The following PLEKHG5 variants were observed in gnomAD, a reference collection of about 807,000 sequenced individuals.
PLEKHG5 encodes pleckstrin homology and RhoGEF domain containing G5, also known as pleckstrin homology domain-containing family G member 5.
PLEKHG5 carries 52 observed loss-of-function variants against 103.8 expected under a neutral mutation model. That is an observed-to-expected ratio of 0.50 (90% confidence interval 0.40 to 0.63). The LOEUF (loss-of-function observed/expected upper bound fraction) is 0.63, where lower values mean the gene tolerates loss of function less well. Ranked by LOEUF, PLEKHG5 falls within the 30% of genes least tolerant of loss-of-function variation. The pLI is 0.00. For synonymous variants in PLEKHG5, 592 were observed against 575.5 expected (o/e 1.03, Z -0.41); for missense variants, 1,205 against 1,347.6 (o/e 0.89, Z 1.66).
At chr1:6,471,172 G>A (rs1385827268) in intron 12 of PLEKHG5, 72 bp from the exon 13 acceptor site, 1 of 1,252,798 alleles carries the variant, frequency 8.0e-7, no homozygotes, top group African/African-American at 1.5e-5. Context: ...GCCAGGCGCT[G>A]CGCAAGCGCT....
At chr1:6,510,045 A>G (rs1190099153) in intron 1 of PLEKHG5, among the ~76,000 whole-genome samples, 1 of 152,276 alleles carries the variant, frequency 6.6e-6, no homozygotes, top group East Asian at 1.9e-4. Flanking sequence ...CTGGACCCCC[A>G]GGGCAGCCGG....
chr1:6,478,687 A>G (rs1001379815), intron 1 of PLEKHG5, among the ~76,000 whole-genome samples: 1 of 152,134 alleles, frequency 6.6e-6, no homozygotes, highest in African/African-American at 2.4e-5. Context: ...TCTGTTGCCC[A>G]GGCTGGAGTG....
chr1:6,485,336 G>A (rs1301782204), intron 1 of PLEKHG5: 3 of 1,424,406 alleles, frequency 2.1e-6, no homozygotes, highest in African/African-American at 3.0e-5. Context: ...GGCTATCACC[G>A]TCGCGGGCAC....
At chr1:6,504,704 G>A (rs1035503113) in intron 1 of PLEKHG5, among the ~76,000 whole-genome samples, 15 of 151,960 alleles carry the variant, frequency 9.9e-5, no homozygotes, top group Non-Finnish European at 1.6e-4. Context: ...GGAGTAACTG[G>A]GACTACAGGC....
rs1004425715 is a variant in PLEKHG5, at chr1:6,490,268, G to A, written c.-88+1369C>T. 1.3e-5 allele frequency among the ~76,000 whole-genome samples: 2 copies of A among 152,086 alleles called. No homozygotes were observed. The highest frequency in any genetic ancestry group is 2.9e-5 in the Non-Finnish European group (2 of 68,030). On this transcript the variant is annotated intron_variant, in intron 1 of 20. Coordinates refer to ENST00000377728, the MANE Select transcript of PLEKHG5 (RefSeq NM_020631.6). This position sits in a 1 kb window ranked among gnomAD's most constrained non-coding sequence, Gnocchi z 8.0. ...GACACTGTGATGGGGGCGGGAGCTT[G>A]AACCCATTCCACCCTCACGTAAATG... is the stretch of plus-strand genomic sequence containing the variant.
At position 6,491,584 on chromosome 1, in the gene PLEKHG5, C is replaced by A; in HGVS notation, c.-88+53G>T. On this transcript the variant is annotated intron_variant, in intron 1 of 20. Transcript: ENST00000377728. The surrounding 1 kb of genome is among the most constrained non-coding windows in gnomAD (Gnocchi z 4.1). Reference sequence around the variant, plus strand: ...TGGGGCATCCTGGTCTGCCGCTGCTCACCCCCAAAGCATTGCCCAGGAGAA... The same window carrying A: ...TGGGGCATCCTGGTCTGCCGCTGCTAACCCCCAAAGCATTGCCCAGGAGAA... 2 of 910,592 alleles carry A rather than the reference C, an allele frequency of 2.2e-6. No individual in the cohort carries two copies. Among genetic ancestry groups the A allele is most frequent in the Non-Finnish European group, 2.6e-6 (2 of 762,226 alleles). The allele number at this position is 910,592 out of a possible 1,614,324, so 56.4% of individuals were successfully genotyped here. A position where few individuals can be genotyped will look rare whatever the true frequency, so the allele number is the denominator to read the frequency against.
chr1:6,469,098 A>C lies in PLEKHG5; in HGVS notation c.2193T>G (p.Ala731=). The stretch of plus-strand genomic sequence containing the variant: ...TCCGCATGATGGTAGGGGAGCTGGC[A>C]GCTGAAGTGCCACTGTCCTCGCCTT... ...EEEGEDSGTS[A]ASSPTIMRKS... is the part of the protein sequence containing the mutation. Residue 731 remains alanine (A), a synonymous_variant, in exon 19 of 21, where the codon GCT becomes GCG. Coordinates refer to ENST00000377728, the MANE Select transcript of PLEKHG5 (RefSeq NM_020631.6). 6.2e-7 allele frequency: 1 copy of C among 1,613,086 alleles called. No individual in the cohort carries two copies. The highest frequency in any genetic ancestry group is 1.7e-4 in the Middle Eastern group (1 of 6,060).
intron 1 of PLEKHG5, among the ~76,000 whole-genome samples, chr1:6,502,115 C>T (rs1645302577): frequency 6.6e-6 from 1 of 152,262 alleles, no homozygotes; most frequent in Non-Finnish European, 1.5e-5. Context: ...ACCTCTTAGC[C>T]GCAGCAGCCT....
At chr1:6,498,705 G>A (rs1645262596), upstream of PLEKHG5, among the ~76,000 whole-genome samples, 1 of 152,298 alleles carries the variant, frequency 6.6e-6, no homozygotes, top group Non-Finnish European at 1.5e-5. Context: ...GCTGCCCGGG[G>A]CCCTGGGCCT....
intron 1 of PLEKHG5, among the ~76,000 whole-genome samples, chr1:6,482,962 G>A (rs1644939865): frequency 6.6e-6 from 1 of 152,198 alleles, no homozygotes; most frequent in Non-Finnish European, 1.5e-5. Flanking sequence ...ACCCACATCG[G>A]CCTCACCAAG....
chr1:6,516,763 ATG>A (rs1553180687), intron 1 of PLEKHG5, among the ~76,000 whole-genome samples: 1 of 46,128 alleles, frequency 2.2e-5, no homozygotes, highest in African/African-American at 4.2e-5. Flanking sequence ...GTATATATAT[ATG>A]TGTATATATA....
intron 12 of PLEKHG5, 42 bp from the exon 13 acceptor site, chr1:6,471,142 C>G: frequency 6.7e-7 from 1 of 1,492,762 alleles, no homozygotes; most frequent in Middle Eastern, 2.1e-4. Context: ...TTACCGCGCG[C>G]TCCCTGCGGG....
At position 6,469,664 on chromosome 1, in the gene PLEKHG5, A is replaced by G; in HGVS notation, c.1813T>C (p.Cys605Arg). 1 of 1,613,264 alleles carries G rather than the reference A, an allele frequency of 6.2e-7. No individual in the cohort carries two copies. Among genetic ancestry groups the G allele is most frequent in the Non-Finnish European group, 8.5e-7 (1 of 1,179,940 alleles). The part of the protein sequence containing the change: ...EGKDSKMDVY[C>R]FLFTDLLLVT... Reference sequence around the variant, plus strand: ...AACAGCAGATCCGTGAAGAGGAAGCAGTACACATCCATCTGCAGTGGCAGG... The same window carrying G: ...AACAGCAGATCCGTGAAGAGGAAGCGGTACACATCCATCTGCAGTGGCAGG... The change falls in exon 17 of 21, where the codon TGC (cysteine) becomes CGC (arginine). Residue 605 changes from cysteine (C) to arginine (R), a missense_variant. Physicochemically the swap from Cys to Arg is radical, Grantham distance 180. Coordinates refer to ENST00000377728, the MANE Select transcript of PLEKHG5 (RefSeq NM_020631.6).
chr1:6,500,608 T>C (rs1361101029), upstream of PLEKHG5, among the ~76,000 whole-genome samples: 2 of 86,304 alleles, frequency 2.3e-5, no homozygotes, highest in Non-Finnish European at 4.4e-5. Flanking sequence ...TAAGCAGACC[T>C]AGAACCCTGA....
chr1:6,489,219 G>GGCACCTT (rs1431115205), intron 1 of PLEKHG5, among the ~76,000 whole-genome samples: 203 of 152,310 alleles, frequency 1.3e-3, no homozygotes, highest in African/African-American at 4.7e-3. Flanking sequence ...TCCAGGGGTG[G>GGCACCTT]AGACTGCATG....
intron 1 of PLEKHG5, chr1:6,485,293 G>A: frequency 1.5e-6 from 2 of 1,335,704 alleles, no homozygotes; most frequent in Non-Finnish European, 1.9e-6. Flanking sequence ...TGGGCACCCA[G>A]CCCCGTTCCC....
chr1:6,474,044 G>C lies in PLEKHG5; in HGVS notation c.560C>G (p.Ala187Gly). The C allele has an allele frequency of 6.2e-7, 1 of 1,610,336 alleles. No homozygotes were observed. The highest frequency in any genetic ancestry group is 8.5e-7 in the Non-Finnish European group (1 of 1,178,900). ...TGPPALERVD[A>G]QSRRESLDIL... is the part of the protein sequence containing the mutation. ...GTCCAGGCTCTCCCGGCGGCTCTGG[G>C]CGTCCACACGCTCCAGGGCGGGGGG... The change falls in exon 7 of 21, where the codon GCC (alanine) becomes GGC (glycine). Residue 187 changes from alanine to glycine, a missense_variant. By Grantham distance (60) the Ala-to-Gly change is moderately conservative. Coordinates refer to ENST00000377728, the MANE Select transcript of PLEKHG5 (RefSeq NM_020631.6).
chr1:6,515,825 C>T (rs1638596644), intron 1 of PLEKHG5, among the ~76,000 whole-genome samples: 1 of 152,208 alleles, frequency 6.6e-6, no homozygotes, highest in African/African-American at 2.4e-5. Context: ...CCCTGCTCCT[C>T]TGCCAAGAGC....
Position 6,475,800 on chromosome 1 carries a change from A to AG in PLEKHG5, c.149+130dup, listed in dbSNP as rs545527749. 133 of 861,582 alleles carry AG rather than the reference A, an allele frequency of 1.5e-4. No individual in the cohort carries two copies. The African/African-American group carries it at 1.7e-3, about 11-fold the overall frequency. The allele number at this position is 861,582 out of a possible 1,614,324, so 53.4% of individuals were successfully genotyped here. ...CTCTTCCCGGAGTCAGGACAGCCAC[A>AG]GGCGTGGGAAGAGGTCTGCCCATCA... is the stretch of plus-strand genomic sequence containing the variant. On this transcript the variant is annotated intron_variant, in intron 3 of 20. Coordinates refer to ENST00000377728, the MANE Select transcript of PLEKHG5 (RefSeq NM_020631.6).
Sources: allele counts gnomAD v4.1 joint callset (sites outside exome capture counted in the v4.1 genomes callset), GRCh38; gene constraint gnomAD v4.1.1; non-coding constraint Gnocchi (gnomAD v3.1); transcripts MANE v1.5; gene names NCBI Gene and HGNC (gene_info 2026-07-23, HGNC 2026-07-21).